The following HGSNAT variants were observed in gnomAD, a reference collection of about 807,000 sequenced individuals.
HGSNAT encodes the protein transmembrane protein 76.
HGSNAT carries 59 observed loss-of-function variants against 85.2 expected under a neutral mutation model. The observed-to-expected ratio is 0.69, with a 90% CI of 0.56 to 0.86. HGSNAT has a LOEUF of 0.86. Among genes scored for constraint, HGSNAT ranks in the 40% least tolerant of loss-of-function variants. The probability of loss-of-function intolerance (pLI) is 0.00; values close to 1 mark genes in which losing one functional copy is unlikely to be tolerated. For missense variants in HGSNAT, 756 were observed against 777.1 expected (o/e 0.97, Z 0.32); for synonymous variants, 321 against 304.5 (o/e 1.05, Z -0.56).
At chr8:43,158,787 T>A (rs898633371) in intron 3 of HGSNAT, 76 bp downstream of exon 3, 24 of 1,518,348 alleles carry the variant, frequency 1.6e-5, no homozygotes, top group Non-Finnish European at 2.1e-5. Context: ...GCTTTTTTTC[T>A]CTTTACAGTA....
At position 43,170,689 on chromosome 8, in the gene HGSNAT, C is replaced by G; in HGVS notation, c.738C>G (p.Phe246Leu). The G allele has an allele frequency of 6.3e-7, 1 of 1,595,926 alleles. No homozygotes were observed. The highest frequency in any genetic ancestry group is 8.5e-7 in the Non-Finnish European group (1 of 1,171,468). The change falls in exon 7 of 18, where the codon TTC becomes TTG. Residue 246 changes from phenylalanine (F) to leucine (L), a missense_variant. Transcript: ENST00000379644. ...CCCGCCTCCGCAGCGTGGACACCTT[C>G]AGGGGGTATGTGGGCCTCCCTGTAG... Reference protein sequence around the residue: ...LPPRLRSVDTFRGIALILMVF... With the variant: ...LPPRLRSVDTLRGIALILMVF...
intron 13 of HGSNAT, among the ~76,000 whole-genome samples, chr8:43,192,807 G>A (rs1219987743): frequency 6.6e-6 from 1 of 152,082 alleles, no homozygotes; most frequent in Non-Finnish European, 1.5e-5. Flanking sequence ...AGAATGCATT[G>A]TGTAAATGAT....
chr8:43,191,582 C>T lies in HGSNAT; in HGVS notation c.1237C>T (p.Pro413Ser), dbSNP rs201346206. The change falls in exon 12 of 18, where the codon CCT becomes TCT. Residue 413 changes from proline (P) to serine (S), a missense_variant. Transcript: ENST00000379644. ...GGGCTTGACATTCCTCCTGCCAGTC[C>T]CTGGGTGCCCTACGTAAGCGAACCC... ...WLGLTFLLPV[P>S]GCPTGYLGPG... 5.2e-4 allele frequency: 839 copies of T among 1,613,922 alleles called. No homozygotes were observed. Among genetic ancestry groups the T allele is most frequent in the Non-Finnish European group, 6.6e-4 (776 of 1,179,818 alleles).
intron 2 of HGSNAT, among the ~76,000 whole-genome samples, chr8:43,149,498 A>C (rs1802826717): frequency 6.6e-6 from 1 of 152,130 alleles, no homozygotes; most frequent in Non-Finnish European, 1.5e-5. Flanking sequence ...GGAGATCGAG[A>C]CCATCCTGGC....
Position 43,191,049 on chromosome 8 carries a change from G to C in HGSNAT, c.1129-425G>C, listed in dbSNP as rs1385630611. Among the ~76,000 whole-genome samples the C allele has an allele frequency of 2.0e-5, 3 of 152,132 alleles. No individual in the cohort carries two copies. The East Asian group carries it at 5.8e-4, about 29-fold the overall frequency. On this transcript the variant is annotated intron_variant, in intron 11 of 17. Coordinates refer to ENST00000379644, the MANE Select transcript of HGSNAT (RefSeq NM_152419.3). ...GCTGCTTCCACTTAGCATATTTTTT[G>C]AGGTTCATCCATGTTGCATATGTCA...
intron 1 of HGSNAT, among the ~76,000 whole-genome samples, chr8:43,141,123 T>C (rs1349852709): frequency 2.0e-5 from 3 of 152,270 alleles, no homozygotes; most frequent in Admixed American, 6.5e-5. Context: ...GTGGGAAGCC[T>C]GGGGCCGGGA....
intron 9 of HGSNAT, among the ~76,000 whole-genome samples, chr8:43,174,994 T>C (rs1803758921): frequency 1.3e-4 from 2 of 15,178 alleles, no homozygotes; most frequent in South Asian, 3.6e-3. Flanking sequence ...CACAAATAAT[T>C]GGAACATGGC....
intron 2 of HGSNAT, among the ~76,000 whole-genome samples, chr8:43,152,163 C>T (rs1288305357): frequency 6.6e-6 from 1 of 151,998 alleles, no homozygotes; most frequent in Non-Finnish European, 1.5e-5. Flanking sequence ...TGGTGGTGGG[C>T]GCTTGTAGTA....
At chr8:43,191,652 G>A (rs1804534729) in intron 12 of HGSNAT, 57 bp downstream of exon 12, 3 of 1,580,238 alleles carry the variant, frequency 1.9e-6, no homozygotes, top group African/African-American at 1.3e-5. Flanking sequence ...CCAGTCAGAG[G>A]TTCTGGGCTT....
intron 11 of HGSNAT, among the ~76,000 whole-genome samples, chr8:43,190,062 T>C (rs1320036434): frequency 6.6e-6 from 1 of 152,240 alleles, no homozygotes; most frequent in African/African-American, 2.4e-5. Context: ...AAGTTCAATT[T>C]TGAGGATAAT....
At chr8:43,172,698 A>G (rs1442630030) in intron 8 of HGSNAT, among the ~76,000 whole-genome samples, 1 of 152,214 alleles carries the variant, frequency 6.6e-6, no homozygotes, top group Non-Finnish European at 1.5e-5. Flanking sequence ...TCATGGTCAT[A>G]TTCTAGATAT....
rs756141376 is a variant in HGSNAT, at chr8:43,146,943, A to G, written c.119-5A>G. ...TTTTTTTTAACTTTTCCTAATTTCT[A>G]CCAGACTTAGACAAAAAAAGACATG... is the stretch of plus-strand genomic sequence containing the variant. On this transcript the variant is annotated splice_polypyrimidine_tract_variant and splice_region_variant and intron_variant, in intron 1 of 17. Transcript: ENST00000379644. 3 of 1,520,402 alleles carry G rather than the reference A, an allele frequency of 2.0e-6. No homozygotes were observed. The highest frequency in any genetic ancestry group is 2.3e-5 in the East Asian group (1 of 44,018). The allele number at this position is 1,520,402 out of a possible 1,614,324, so 94.2% of individuals were successfully genotyped here. A position where few individuals can be genotyped will look rare whatever the true frequency, so the allele number is the denominator to read the frequency against.
At chr8:43,161,579 CA>C (rs1803270230) in intron 5 of HGSNAT, 72 bp downstream of exon 5, 29 of 1,156,476 alleles carry the variant, frequency 2.5e-5, no homozygotes, top group Non-Finnish European at 3.6e-5. Flanking sequence ...GGGCAGCTGT[CA>C]CCCTCAAGTG....
chr8:43,172,080 C>T (rs1803642736), intron 7 of HGSNAT, among the ~76,000 whole-genome samples: 1 of 152,224 alleles, frequency 6.6e-6, no homozygotes. Context: ...TTGGTTAAGA[C>T]ATCATGTTGG....
chr8:43,172,543 A>G (rs994670542), intron 8 of HGSNAT, among the ~76,000 whole-genome samples, 157 bp downstream of exon 8: 2 of 152,230 alleles, frequency 1.3e-5, no homozygotes, highest in Non-Finnish European at 2.9e-5. Flanking sequence ...GGTGACCTGT[A>G]GATGATTCTG....
chr8:43,175,500 C>T (rs1320353598), intron 9 of HGSNAT, among the ~76,000 whole-genome samples: 13 of 146,688 alleles, frequency 8.9e-5, no homozygotes, highest in Non-Finnish European at 1.0e-4. Flanking sequence ...GTTTCATATT[C>T]GTGTTTGCCA....
chr8:43,141,646 T>C (rs1414176328), intron 1 of HGSNAT, among the ~76,000 whole-genome samples: 1 of 151,878 alleles, frequency 6.6e-6, no homozygotes, highest in Non-Finnish European at 1.5e-5. Flanking sequence ...TTAGTGTCTG[T>C]GTATGGAGTT....
At position 43,191,479 on chromosome 8, in the gene HGSNAT, G is replaced by T; in HGVS notation, c.1134G>T (p.Arg378Ser). Residue 378 changes from arginine (R) to serine (S), a missense_variant, in exon 12 of 18, where the codon AGG becomes AGT. Transcript: ENST00000379644. Reference sequence around the variant, plus strand: ...ATTTTTCTGCCCCCACTCAGGAGAGGAGCTGCCTTTCTCTTCGAGACATCA... The same window carrying T: ...ATTTTTCTGCCCCCACTCAGGAGAGTAGCTGCCTTTCTCTTCGAGACATCA... Reference protein sequence around the residue: ...KPVPEHCASERSCLSLRDITS... With the variant: ...KPVPEHCASESSCLSLRDITS... 1.9e-6 allele frequency: 3 copies of T among 1,613,440 alleles called. No homozygotes were observed. The highest frequency in any genetic ancestry group is 2.5e-6 in the Non-Finnish European group (3 of 1,179,450).
chr8:43,145,442 G>T (rs1586696461), intron 1 of HGSNAT, among the ~76,000 whole-genome samples: 1 of 152,266 alleles, frequency 6.6e-6, no homozygotes, highest in African/African-American at 2.4e-5. Context: ...TAAGGGTAAA[G>T]TAAGATAAAC....
Sources: gnomAD v4.1 joint callset for allele counts (sites outside exome capture counted in the v4.1 genomes callset) on GRCh38, gnomAD v4.1.1 for gene constraint, MANE v1.5 for transcripts, NCBI Gene and HGNC (gene_info 2026-07-23, HGNC 2026-07-21) for gene names.